The following EBF3 variants were observed in gnomAD, a reference collection of about 807,000 sequenced individuals.
EBF3 encodes the protein transcription factor COE3.
A neutral mutation model predicts 77.1 loss-of-function variants in EBF3; 18 were observed. The ratio of observed to expected loss-of-function variants is 0.23; its 90% confidence interval spans 0.16 to 0.35. EBF3 has a LOEUF of 0.35. EBF3 is among the 10% of genes least tolerant of loss of function. The pLI is 1.00. For synonymous variants in EBF3, 350 were observed against 343.5 expected (o/e 1.02, Z -0.21); for missense variants, 558 against 860.0 (o/e 0.65, Z 4.39).
intron 12 of EBF3, 99 bp downstream of exon 12, chr10:129,843,038 C>T (rs1308198576): frequency 8.3e-7 from 1 of 1,199,830 alleles, no homozygotes; most frequent in Non-Finnish European, 1.2e-6. Flanking sequence ...GCTGGAAAAG[C>T]ATGCTTATGT....
chr10:129,948,897 G>A (rs749114607), intron 6 of EBF3, among the ~76,000 whole-genome samples: 3 of 152,142 alleles, frequency 2.0e-5, no homozygotes, highest in Admixed American at 1.3e-4. Context: ...CTGCAGAGCC[G>A]GACGTGTGGT....
intron 6 of EBF3, among the ~76,000 whole-genome samples, chr10:129,956,081 A>G (rs1354164796): frequency 6.6e-6 from 1 of 152,196 alleles, no homozygotes; most frequent in Non-Finnish European, 1.5e-5. Flanking sequence ...TTGATTACTA[A>G]TAAGAGAGCT....
At chr10:129,957,829 C>T (rs939247163) in intron 5 of EBF3, among the ~76,000 whole-genome samples, 3 of 152,148 alleles carry the variant, frequency 2.0e-5, no homozygotes, top group African/African-American at 7.2e-5. Context: ...TTTAAGCCTA[C>T]CTTAACTCTG....
chr10:129,956,323 C>T (rs574963786), intron 6 of EBF3, among the ~76,000 whole-genome samples: 22 of 152,222 alleles, frequency 1.4e-4, no homozygotes, highest in Non-Finnish European at 2.5e-4. Flanking sequence ...ACCTCTGCTT[C>T]GCAAAACTGG....
At chr10:129,875,170 G>T (rs1277811030) in intron 7 of EBF3, among the ~76,000 whole-genome samples, 1 of 147,478 alleles carries the variant, frequency 6.8e-6, no homozygotes, top group Non-Finnish European at 1.5e-5. Flanking sequence ...GAATACATGT[G>T]CAAGTGATGG....
rs1169313728 is a variant in EBF3 at position 129,935,699 on chromosome 10, A to C, written c.554+21559T>G. ...CAGCCACCATTCCTCCTACGTCAGC[A>C]CTGGGGAGTCCAGAGGCCAACCCCG... On this transcript the variant is annotated intron_variant, in intron 6 of 16. Transcript: ENST00000440978. This position sits in a 1 kb window ranked among gnomAD's most constrained non-coding sequence, Gnocchi z 4.2. Among the ~76,000 whole-genome samples the C allele has an allele frequency of 6.6e-6, 1 of 152,192 alleles. No individual in the cohort carries two copies. Among genetic ancestry groups the C allele is most frequent in the East Asian group, 1.9e-4 (1 of 5,194 alleles).
intron 6 of EBF3, among the ~76,000 whole-genome samples, chr10:129,904,550 G>A (rs1332772949): frequency 6.6e-6 from 1 of 151,414 alleles, no homozygotes; most frequent in African/African-American, 2.4e-5. Flanking sequence ...GAGGATGCAT[G>A]GATAAATGGA....
At chr10:129,945,510 G>A (rs1005165506) in intron 6 of EBF3, among the ~76,000 whole-genome samples, 1 of 152,162 alleles carries the variant, frequency 6.6e-6, no homozygotes, top group African/African-American at 2.4e-5. Context: ...TTCCATCTAT[G>A]ATGATAAATT....
chr10:129,909,887 C>G (rs1268144791), intron 6 of EBF3, among the ~76,000 whole-genome samples: 2 of 152,258 alleles, frequency 1.3e-5, no homozygotes, highest in African/African-American at 4.8e-5. Context: ...TCCTGGAAGG[C>G]CTGTCAATAT....
chr10:129,907,475 C>A (rs141182037), intron 6 of EBF3, among the ~76,000 whole-genome samples: 410 of 152,348 alleles, frequency 2.7e-3, no homozygotes, highest in African/African-American at 9.1e-3. Context: ...AAATCTATTT[C>A]TCTCACTCTG....
intron 6 of EBF3, among the ~76,000 whole-genome samples, chr10:129,887,051 G>GGGT (rs1333228830): frequency 2.1e-4 from 20 of 94,458 alleles, no homozygotes; most frequent in African/African-American, 6.6e-4. Flanking sequence ...TGGGGGTTGT[G>GGGT]GGCGGGGGGG....
intron 12 of EBF3, 51 bp downstream of exon 12, chr10:129,843,086 G>A (rs367622835): frequency 2.5e-5 from 38 of 1,547,086 alleles, no homozygotes; most frequent in African/African-American, 7.2e-5. Context: ...GGCTGCCCAC[G>A]GGTTCTGGCA....
At chr10:129,925,706 T>G (rs1176657409) in intron 6 of EBF3, among the ~76,000 whole-genome samples, 1 of 151,972 alleles carries the variant, frequency 6.6e-6, no homozygotes, top group Admixed American at 6.6e-5. Context: ...AATGATAAAT[T>G]TTATGTTATA....
In EBF3 at chr10:129,917,651, CAAAA is replaced by C. The variant is rs71481019; in HGVS notation, c.554+39603_554+39606del. 1.5e-3 allele frequency among the ~76,000 whole-genome samples: 35 copies of C among 23,592 alleles called. 1 individual carries two copies. The highest frequency in any genetic ancestry group is 7.5e-3 in the South Asian group (2 of 266). 15.5% of individuals were successfully genotyped at this position (23,592 alleles called of 152,430 possible). A position where few individuals can be genotyped will look rare whatever the true frequency, so the allele number is the denominator to read the frequency against. ...TGGGCACCACAGCAAGACCCTGCCTCAAAAAAAAAAAAAAAAAAAAAAAAAAAAC... is the reference window on the plus strand; with the variant it reads ...TGGGCACCACAGCAAGACCCTGCCTCAAAAAAAAAAAAAAAAAAAAAAAAC... On this transcript the variant is annotated intron_variant, in intron 6 of 16. Coordinates refer to ENST00000440978, the MANE Select transcript of EBF3 (RefSeq NM_001375380.1).
intron 6 of EBF3, among the ~76,000 whole-genome samples, chr10:129,932,895 CTTTTT>C (rs35568967): frequency 5.5e-5 from 7 of 126,410 alleles, no homozygotes; most frequent in Middle Eastern, 9.5e-3. Context: ...CTTTTTTTTC[CTTTTT>C]TTTTTTTTTT....
At chr10:129,873,640 A>T in intron 7 of EBF3, 44 bp from the exon 8 acceptor site, 1 of 1,459,574 alleles carries the variant, frequency 6.9e-7, no homozygotes, top group Non-Finnish European at 9.1e-7. Flanking sequence ...GGCAAAGAAA[A>T]GCAGAGCCCC....
At chr10:129,868,030 G>A in intron 8 of EBF3, 118 bp from the exon 9 acceptor site, 2 of 1,421,974 alleles carry the variant, frequency 1.4e-6, no homozygotes, top group South Asian at 2.7e-5. Context: ...CGTTCCTCCA[G>A]GCGGCACGCA....
At chr10:129,904,627 A>AATGGATGG (rs34613166) in intron 6 of EBF3, among the ~76,000 whole-genome samples, 3,024 of 149,800 alleles carry the variant, frequency 0.02, 39 homozygotes, top group Middle Eastern at 0.024. Flanking sequence ...TGGATGGACA[A>AATGGATGG]ATGGATGGAT....
chr10:129,924,431 A>AAC lies in EBF3; in HGVS notation c.554+32826_554+32827insGT, dbSNP rs1491093183. Among the ~76,000 whole-genome samples the AAC allele has an allele frequency of 2.5e-4, 28 of 112,312 alleles. No homozygotes were observed. The South Asian group carries it at 2.8e-3, about 11-fold the overall frequency. 73.7% of individuals were successfully genotyped at this position (112,312 alleles called of 152,430 possible). On this transcript the variant is annotated intron_variant, in intron 6 of 16. Transcript: ENST00000440978. ...CTCCGTCTCAAACAACAACAACAAC[A>AAC]AAAAAAAAAAAAAACAAAAAACAAA...
Sources: allele counts gnomAD v4.1 joint callset (sites outside exome capture counted in the v4.1 genomes callset), GRCh38; gene constraint gnomAD v4.1.1; non-coding constraint Gnocchi (gnomAD v3.1); transcripts MANE v1.5; gene names NCBI Gene and HGNC (gene_info 2026-07-23, HGNC 2026-07-21).